Variants in POU6F2 observed in about 807,000 individuals in gnomAD.
POU6F2 encodes the protein POU class 6 homeobox 2.
Under a neutral mutation model 71.3 loss-of-function variants are expected in POU6F2, and 31 were observed. The observed-to-expected ratio is 0.43, with a 90% CI of 0.33 to 0.59. The LOEUF (loss-of-function observed/expected upper bound fraction) is 0.59, where lower values mean the gene tolerates loss of function less well. Ranked by LOEUF, POU6F2 falls within the 20% of genes least tolerant of loss-of-function variation. The pLI is 0.04. For synonymous variants in POU6F2, 347 were observed against 355.7 expected (o/e 0.98, Z 0.27); for missense variants, 783 against 856.8 (o/e 0.91, Z 1.07).
chr7:39,441,210 G>C (rs1318527683), intron 7 of POU6F2, among the ~76,000 whole-genome samples: 1 of 151,572 alleles, frequency 6.6e-6, no homozygotes, highest in African/African-American at 2.4e-5. Flanking sequence ...ACGTGTAAAA[G>C]GTATTTTTAA....
At chr7:39,170,257 C>T (rs1449121987) in intron 2 of POU6F2, among the ~76,000 whole-genome samples, 1 of 152,140 alleles carries the variant, frequency 6.6e-6, no homozygotes, top group South Asian at 2.1e-4. Flanking sequence ...CTTAACTTTG[C>T]AGATTGGAGA....
chr7:39,126,299 T>C (rs958015095), intron 2 of POU6F2, among the ~76,000 whole-genome samples: 4 of 152,170 alleles, frequency 2.6e-5, no homozygotes, highest in African/African-American at 9.7e-5. Flanking sequence ...AAACTTTGGT[T>C]TGGTTAAAAG....
intron 2 of POU6F2, among the ~76,000 whole-genome samples, chr7:39,089,303 C>T (rs1791316873): frequency 1.3e-5 from 2 of 151,998 alleles, no homozygotes; most frequent in South Asian, 4.1e-4. Context: ...TCTCCTTTTT[C>T]AGTTCATGAC....
chr7:39,183,371 G>A (rs1254385057), intron 2 of POU6F2, among the ~76,000 whole-genome samples: 3 of 152,158 alleles, frequency 2.0e-5, no homozygotes, highest in Non-Finnish European at 4.4e-5. Context: ...TGGCTGCGGA[G>A]GCCTCAGGAA....
chr7:39,187,751 C>T (rs531505834), intron 2 of POU6F2, among the ~76,000 whole-genome samples: 3 of 152,116 alleles, frequency 2.0e-5, no homozygotes, highest in African/African-American at 4.8e-5. Flanking sequence ...AAGAAAATGC[C>T]GAGTTTTTTT....
intron 9 of POU6F2, among the ~76,000 whole-genome samples, chr7:39,463,488 T>A (rs963199388): frequency 2.6e-5 from 4 of 152,160 alleles, no homozygotes; most frequent in Non-Finnish European, 5.9e-5. Context: ...TTACAATGTG[T>A]CCAGCTGTTT....
intron 2 of POU6F2, among the ~76,000 whole-genome samples, chr7:39,194,469 C>T (rs182711855): frequency 9.5e-4 from 144 of 152,248 alleles, no homozygotes; most frequent in African/African-American, 3.1e-3. Context: ...CACCAATCAG[C>T]GCTCTGTATC....
chr7:39,391,997 A>G (rs112507249), intron 5 of POU6F2, among the ~76,000 whole-genome samples: 2 of 152,200 alleles, frequency 1.3e-5, no homozygotes, highest in Non-Finnish European at 2.9e-5. Context: ...CTAGAAGTCA[A>G]TGAACAGCCC....
intron 2 of POU6F2, among the ~76,000 whole-genome samples, chr7:39,143,174 G>A (rs1209278533): frequency 1.3e-5 from 2 of 152,180 alleles, no homozygotes; most frequent in African/African-American, 2.4e-5. Flanking sequence ...CTCGCCTTTG[G>A]TGGTCTCCAA....
In POU6F2 at chr7:39,433,248, G is replaced by A. The variant is rs779091018; in HGVS notation, c.1285G>A (p.Gly429Ser). 6.2e-7 allele frequency: 1 copy of A among 1,613,928 alleles called. No homozygotes were observed. Among genetic ancestry groups the A allele is most frequent in the Non-Finnish European group, 8.5e-7 (1 of 1,179,884 alleles). The change falls in exon 7 of 10, where the codon GGC becomes AGC. Residue 429 changes from glycine to serine, a missense_variant. Physicochemically the swap from Gly to Ser is moderately conservative, Grantham distance 56 (BLOSUM62 0). Coordinates refer to ENST00000518318, the MANE Select transcript of POU6F2 (RefSeq NM_001370959.1). ...GATCCTGCCCGTGATCAACACCCAG[G>A]GCATCACGCTGTCACCCATCAAGCC... Reference protein sequence around the residue: ...NQILPVINTQGITLSPIKPGQ... With the variant: ...NQILPVINTQSITLSPIKPGQ...
At chr7:39,369,181 ACAG>A (rs1786560741) in intron 5 of POU6F2, among the ~76,000 whole-genome samples, 1 of 152,174 alleles carries the variant, frequency 6.6e-6, no homozygotes, top group Admixed American at 6.5e-5. Flanking sequence ...GGTTGCTAAG[ACAG>A]CAGCAGGGTT....
chr7:39,251,705 G>T (rs1175817627), intron 4 of POU6F2, among the ~76,000 whole-genome samples: 1 of 152,182 alleles, frequency 6.6e-6, no homozygotes, highest in Non-Finnish European at 1.5e-5. Flanking sequence ...AGCAAATGCA[G>T]TCTGAACTGT....
intron 2 of POU6F2, among the ~76,000 whole-genome samples, chr7:39,089,459 G>C (rs919501157): frequency 3.3e-5 from 5 of 152,174 alleles, no homozygotes; most frequent in Non-Finnish European, 1.5e-5. Context: ...GCTACATAGA[G>C]CCAGTCATTT....
At chr7:39,151,181 C>T (rs1395523312) in intron 2 of POU6F2, among the ~76,000 whole-genome samples, 1 of 152,094 alleles carries the variant, frequency 6.6e-6, no homozygotes. Flanking sequence ...TCTGCTTCTT[C>T]TAGAGAGTTC....
At chr7:39,012,634 T>A (rs1789326759) in intron 1 of POU6F2, among the ~76,000 whole-genome samples, 1 of 151,312 alleles carries the variant, frequency 6.6e-6, no homozygotes, top group South Asian at 2.1e-4. Flanking sequence ...TCTGTTCTGT[T>A]TTTTTCCCCA....
intron 2 of POU6F2, among the ~76,000 whole-genome samples, chr7:39,162,452 A>G (rs1219185817): frequency 1.3e-5 from 2 of 152,212 alleles, no homozygotes; most frequent in Non-Finnish European, 2.9e-5. Context: ...AACGGTCTAT[A>G]GTTTCAACGG....
At position 39,156,813 on chromosome 7, in the gene POU6F2, C is replaced by G. The variant is rs1285926198; in HGVS notation, c.278-47422C>G. Among the ~76,000 whole-genome samples the G allele has an allele frequency of 1.3e-5, 2 of 152,316 alleles. 1 individual carries two copies. Among genetic ancestry groups the G allele is most frequent in the Admixed American group, 1.3e-4 (2 of 15,302 alleles). ...TTGCTCTTCCCTTCCCTGCTTACCT[C>G]TTCAGGAAAAGGAAGCTGGGGAGGA... On this transcript the variant is annotated intron_variant, in intron 2 of 9. Coordinates refer to ENST00000518318, the MANE Select transcript of POU6F2 (RefSeq NM_001370959.1).
At chr7:39,365,533 G>A (rs1312317659) in intron 5 of POU6F2, among the ~76,000 whole-genome samples, 1 of 152,094 alleles carries the variant, frequency 6.6e-6, no homozygotes, top group East Asian at 1.9e-4. Context: ...ATAAATAGCT[G>A]GGACTTAATT....
intron 5 of POU6F2, among the ~76,000 whole-genome samples, chr7:39,362,380 G>A (rs903242426): frequency 6.6e-6 from 1 of 151,928 alleles, no homozygotes; most frequent in Non-Finnish European, 1.5e-5. Flanking sequence ...GAATCCCCTT[G>A]TTAGGACCCT....
Sources: allele counts gnomAD v4.1 joint callset (sites outside exome capture counted in the v4.1 genomes callset), GRCh38; gene constraint gnomAD v4.1.1; transcripts MANE v1.5; gene names NCBI Gene and HGNC (gene_info 2026-07-23, HGNC 2026-07-21).